Variants in PAX8 observed in about 807,000 individuals in gnomAD.
The protein encoded by PAX8 is paired box protein Pax-8.
Under a neutral mutation model 52.4 loss-of-function variants are expected in PAX8, and 15 were observed. The observed-to-expected ratio is 0.29, with a 90% CI of 0.19 to 0.44. The LOEUF is 0.44. Ranked by LOEUF, PAX8 falls within the 20% of genes least tolerant of loss-of-function variation. PAX8 has a pLI of 1.00. For missense variants in PAX8, 554 were observed against 602.5 expected, an observed-to-expected ratio of 0.92 and a Z score of 0.84; for synonymous variants, 284 against 249.7, an observed-to-expected ratio of 1.14 and a Z score of -1.29.
chr2:113,269,132 G>A (rs990784373), intron 2 of PAX8: 4 of 152,266 alleles, frequency 2.6e-5, no homozygotes, highest in African/African-American at 9.6e-5. Context: ...AAGGCATGGA[G>A]CCTAGGCATT....
intron 2 of PAX8, among the ~76,000 whole-genome samples, chr2:113,257,179 T>C (rs1692324413): frequency 6.6e-6 from 1 of 152,214 alleles, no homozygotes; most frequent in African/African-American, 2.4e-5. Flanking sequence ...CTTCTCTCTC[T>C]TCTAAAATCC....
chr2:113,278,122 C>T (rs560268163), intron 2 of PAX8, among the ~76,000 whole-genome samples: 1 of 152,336 alleles, frequency 6.6e-6, no homozygotes, highest in South Asian at 2.1e-4. Context: ...ACAGAGATCC[C>T]CTCACCGATC....
At chr2:113,262,675 T>C (rs1183143103) in intron 2 of PAX8, among the ~76,000 whole-genome samples, 1 of 152,172 alleles carries the variant, frequency 6.6e-6, no homozygotes, top group Non-Finnish European at 1.5e-5. Flanking sequence ...TAATCCAATA[T>C]GATCAAGTCC....
chr2:113,239,195 G>A (rs143833481), intron 7 of PAX8: 7,353 of 152,038 alleles, frequency 0.048, 269 homozygotes, highest in South Asian at 0.15. Context: ...AGCCTCCCGA[G>A]TAGCTAGGAT....
intron 2 of PAX8, 134 bp downstream of exon 2, chr2:113,278,236 G>A: frequency 3.0e-6 from 2 of 672,578 alleles, no homozygotes; most frequent in Admixed American, 2.7e-5. Context: ...GGCCCCAGGC[G>A]CCCCAGCTGG....
rs113387856 is a variant in PAX8, at chr2:113,242,530, T to C, written c.478+160A>G. Among the ~76,000 whole-genome samples the C allele has an allele frequency of 6.6e-3, 1,003 of 152,196 alleles. 15 individuals carry two copies. The highest frequency in any genetic ancestry group is 0.023 in the African/African-American group (937 of 41,516). Reference sequence around the variant, plus strand: ...TGCCCTGGGAACAGGCCAGACTTCGTCGCAGTGGCACAACTCAGTCTACAC... The same window carrying C: ...TGCCCTGGGAACAGGCCAGACTTCGCCGCAGTGGCACAACTCAGTCTACAC... On this transcript the variant is annotated intron_variant, in intron 5 of 11. Transcript: ENST00000429538.
At chr2:113,236,354 C>T (rs1194972252) in intron 8 of PAX8, 2 of 326,306 alleles carry the variant, frequency 6.1e-6, no homozygotes, top group Non-Finnish European at 1.1e-5. Flanking sequence ...TGAGGCCCGG[C>T]CTAGGACCGG....
chr2:113,268,018 G>A (rs539276508), intron 2 of PAX8: 1 of 152,402 alleles, frequency 6.6e-6, no homozygotes, highest in African/African-American at 2.4e-5. Flanking sequence ...CCTTGCGTGA[G>A]CCTGAGAGAG....
chr2:113,277,672 G>T (rs1693918565), intron 2 of PAX8, among the ~76,000 whole-genome samples: 1 of 152,240 alleles, frequency 6.6e-6, no homozygotes, highest in East Asian at 1.9e-4. Flanking sequence ...CCCAGCCCTG[G>T]CCGGGAAGGG....
rs192226611 is a variant in PAX8 at position 113,217,499 on chromosome 2, G to A, written c.*1034C>T. 9.6e-5 allele frequency: 22 copies of A among 230,366 alleles called. No homozygotes were observed. In the East Asian group the frequency reaches 1.4e-3, roughly 14 times the overall value. The allele number at this position is 230,366 out of a possible 1,614,324, so 14.3% of individuals were successfully genotyped here. On this transcript the variant is annotated 3_prime_UTR_variant, in exon 12 of 12. Coordinates refer to ENST00000429538, the MANE Select transcript of PAX8 (RefSeq NM_003466.4). ...GCCAAAGTCTGGGGGTTAGAAAGAA[G>A]GAAGCTTGACCCAAACAAAGTTTCA...
At position 113,278,388 on chromosome 2, in the gene PAX8, G is replaced by C. The variant is rs1174472803; in HGVS notation, c.7C>G (p.His3Asp). The change falls in exon 2 of 12, where the codon CAC becomes GAC. Residue 3 changes from histidine to aspartate, a missense_variant. Physicochemically the swap from His to Asp is moderately conservative, Grantham distance 81. Around this residue, in one of 2 missense-constraint regions of PAX8, gnomAD observed 109 missense variants for 192.7 expected, o/e 0.57. Transcript: ENST00000429538. MP[H>D]NSIRSGHGGL... is the part of the protein sequence containing the mutation. ...TTCTTACCAGATCTGATGGAGTTGT[G>C]AGGCATCGCCGGGGAGTCGCTCGCA... 6.2e-7 allele frequency: 1 copy of C among 1,610,100 alleles called. No homozygotes were observed. The highest frequency in any genetic ancestry group is 8.5e-7 in the Non-Finnish European group (1 of 1,178,162).
intron 10 of PAX8, chr2:113,226,934 GGAA>G: frequency 2.8e-6 from 4 of 1,454,186 alleles, no homozygotes; most frequent in Non-Finnish European, 3.6e-6. Flanking sequence ...AGCAGGCCTG[GGAA>G]GAAGGAGGCC....
intron 2 of PAX8, among the ~76,000 whole-genome samples, chr2:113,252,656 C>G (rs1045006488): frequency 2.9e-4 from 44 of 152,248 alleles, no homozygotes; most frequent in Admixed American, 2.7e-3. Flanking sequence ...GTGCCTTACA[C>G]TTGTCTTCCT....
chr2:113,246,147 G>A (rs931490708), intron 3 of PAX8, among the ~76,000 whole-genome samples: 10 of 152,208 alleles, frequency 6.6e-5, no homozygotes, highest in African/African-American at 1.7e-4. Flanking sequence ...TGCTGGGGGC[G>A]GATGGGCTGG....
At chr2:113,278,017 A>G (rs1432510893) in intron 2 of PAX8, among the ~76,000 whole-genome samples, 1 of 152,198 alleles carries the variant, frequency 6.6e-6, no homozygotes, top group Non-Finnish European at 1.5e-5. Context: ...CAAGTCCAGC[A>G]CCGGTGCAGC....
chr2:113,253,460 G>C (rs1277866845), intron 2 of PAX8, among the ~76,000 whole-genome samples: 2 of 152,186 alleles, frequency 1.3e-5, no homozygotes, highest in Non-Finnish European at 2.9e-5. Context: ...TGTCATGCAA[G>C]CTCAGGGCCT....
chr2:113,245,047 T>G (rs1437366315), intron 3 of PAX8, among the ~76,000 whole-genome samples: 4 of 145,480 alleles, frequency 2.7e-5, no homozygotes, highest in Non-Finnish European at 4.6e-5. Flanking sequence ...TTTTTTTTGT[T>G]TTTTTTTTTT....
intron 2 of PAX8, among the ~76,000 whole-genome samples, chr2:113,248,901 G>C (rs1691540035): frequency 1.3e-5 from 2 of 152,190 alleles, no homozygotes; most frequent in African/African-American, 4.8e-5. Flanking sequence ...GGGAGGTGGA[G>C]GTTGTGATGA....
intron 9 of PAX8, 52 bp downstream of exon 9, chr2:113,235,342 C>G (rs1039165940): frequency 6.7e-7 from 1 of 1,483,986 alleles, no homozygotes; most frequent in Non-Finnish European, 9.1e-7. Context: ...CCTGAGGACC[C>G]CCGTCCCACC....
Sources: gnomAD v4.1 joint callset for allele counts (sites outside exome capture counted in the v4.1 genomes callset) on GRCh38, gnomAD v4.1.1 for gene constraint, gnomAD v4.1.1 regional missense constraint, MANE v1.5 for transcripts, NCBI Gene and HGNC (gene_info 2026-07-23, HGNC 2026-07-21) for gene names.